The following ZNF385D variants were observed in gnomAD, a reference collection of about 807,000 sequenced individuals.
ZNF385D encodes the protein zinc finger protein 659.
ZNF385D carries 15 observed loss-of-function variants against 35.8 expected under a neutral mutation model. The observed-to-expected ratio is 0.42, with a 90% CI of 0.28 to 0.64. The LOEUF (loss-of-function observed/expected upper bound fraction) is 0.64, where lower values mean the gene tolerates loss of function less well. ZNF385D is among the 30% of genes least tolerant of loss of function. ZNF385D has a pLI of 0.23. For missense variants in ZNF385D, 474 were observed against 494.6 expected (o/e 0.96, Z 0.39); for synonymous variants, 212 against 186.8 (o/e 1.13, Z -1.10).
intron 3 of ZNF385D, among the ~76,000 whole-genome samples, chr3:21,543,570 C>G (rs163485): frequency 0.69 from 105,637 of 151,996 alleles, 36,939 homozygotes; most frequent in Admixed American, 0.72. Context: ...CCCTTCCCCA[C>G]CCAAGGGGTT....
intron 2 of ZNF385D, among the ~76,000 whole-genome samples, chr3:22,327,400 C>A (rs1257774798): frequency 6.6e-6 from 1 of 152,200 alleles, no homozygotes; most frequent in East Asian, 1.9e-4. Flanking sequence ...GTGTCCTACA[C>A]TCTAAGTTCC....
In ZNF385D at chr3:21,999,390, G is replaced by A. The variant is rs149252122; in HGVS notation, c.325+169427C>T. On this transcript the variant is annotated intron_variant, in intron 3 of 5. Coordinates refer to the ZNF385D transcript ENST00000494108. ...AACTTTGAATGCAATCTTAGTGTAT[G>A]GGATGACAATATTTAATATTGCTTG... Among the ~76,000 whole-genome samples the A allele has an allele frequency of 6.2e-3, 939 of 152,012 alleles. 10 individuals carry two copies. Among genetic ancestry groups the A allele is most frequent in the African/African-American group, 0.022 (898 of 41,442 alleles).
intron 3 of ZNF385D, among the ~76,000 whole-genome samples, chr3:22,056,642 T>C (rs1699417318): frequency 6.6e-6 from 1 of 152,176 alleles, no homozygotes; most frequent in African/African-American, 2.4e-5. Context: ...AGTTTGACAG[T>C]TTTAATTCAA....
intron 3 of ZNF385D, among the ~76,000 whole-genome samples, chr3:21,894,757 G>A (rs1024024100): frequency 3.3e-5 from 5 of 152,078 alleles, no homozygotes; most frequent in Non-Finnish European, 5.9e-5. Context: ...CAATATTGCT[G>A]AGTTTAAATC....
intron 3 of ZNF385D, among the ~76,000 whole-genome samples, chr3:21,989,148 C>T (rs991582096): frequency 4.6e-5 from 7 of 152,172 alleles, no homozygotes; most frequent in Non-Finnish European, 8.8e-5. Flanking sequence ...TAGACCGGAG[C>T]TGTTCCTATT....
chr3:22,319,826 T>A (rs553533497), intron 2 of ZNF385D, among the ~76,000 whole-genome samples: 12 of 152,204 alleles, frequency 7.9e-5, no homozygotes, highest in Non-Finnish European at 1.0e-4. Flanking sequence ...GGGGTTGACT[T>A]TGAATCTATT....
At chr3:21,899,071 A>T (rs171827) in intron 3 of ZNF385D, among the ~76,000 whole-genome samples, 1 of 151,832 alleles carries the variant, frequency 6.6e-6, no homozygotes, top group Non-Finnish European at 1.5e-5. Context: ...CGGGATGTTT[A>T]TTATTCCCCA....
In ZNF385D at chr3:21,413,652, GA is replaced by G. The variant is rs1416903606; in HGVS notation, c.*7561del. 1 of 152,012 alleles carries G rather than the reference GA, an allele frequency of 6.6e-6. No homozygotes were observed. The highest frequency in any genetic ancestry group is 6.6e-5 in the Admixed American group (1 of 15,244). 9.4% of individuals were successfully genotyped at this position (152,012 alleles called of 1,614,324 possible). ...TTTTTAAGCCATAAGAATATAAGAG[GA>G]GAAAAATAGCATGAATATTTTTCCT... On this transcript the variant is annotated 3_prime_UTR_variant, in exon 8 of 8. Coordinates refer to ENST00000281523, the MANE Select transcript of ZNF385D (RefSeq NM_024697.3).
rs556070073 is a variant in ZNF385D, at chr3:22,198,116, A to G, written c.107-29081T>C. Reference sequence around the variant, plus strand: ...ATAATCAGGATTAAAAATGGAGAACAGACACAGAAACTGTGTATACAGTAA... The same window carrying G: ...ATAATCAGGATTAAAAATGGAGAACGGACACAGAAACTGTGTATACAGTAA... On this transcript the variant is annotated intron_variant, in intron 2 of 5. Coordinates refer to the ZNF385D transcript ENST00000494108. Among the ~76,000 whole-genome samples, 6 of 152,248 alleles carry G rather than the reference A, an allele frequency of 3.9e-5. No homozygotes were observed. The East Asian group carries it at 1.2e-3, about 29-fold the overall frequency.
intron 3 of ZNF385D, among the ~76,000 whole-genome samples, chr3:22,079,549 A>T (rs1296232384): frequency 3.9e-4 from 59 of 151,984 alleles, no homozygotes; most frequent in Non-Finnish European, 1.0e-4. Context: ...ACAAAACAAA[A>T]AAGTTCCCTC....
chr3:21,858,241 A>G (rs997942353), intron 3 of ZNF385D, among the ~76,000 whole-genome samples: 1 of 152,174 alleles, frequency 6.6e-6, no homozygotes, highest in Non-Finnish European at 1.5e-5. Flanking sequence ...CAAAATCAAA[A>G]TAAAACTCAG....
chr3:22,047,927 G>A (rs1301642825), intron 3 of ZNF385D, among the ~76,000 whole-genome samples: 2 of 151,866 alleles, frequency 1.3e-5, no homozygotes, highest in Admixed American at 1.3e-4. Flanking sequence ...TGGTTTTTTT[G>A]CTAATATTAT....
intron 4 of ZNF385D, among the ~76,000 whole-genome samples, chr3:21,452,301 C>G (rs1702507023): frequency 6.6e-6 from 1 of 151,988 alleles, no homozygotes; most frequent in African/African-American, 2.4e-5. Context: ...ACAGTTCTCT[C>G]AATTTTGCCC....
intron 2 of ZNF385D, among the ~76,000 whole-genome samples, chr3:22,200,979 T>A (rs530217795): frequency 9.6e-4 from 146 of 152,172 alleles, no homozygotes; most frequent in Non-Finnish European, 2.0e-3. Flanking sequence ...CAAACACACA[T>A]GCTGTACAAT....
intron 4 of ZNF385D, among the ~76,000 whole-genome samples, chr3:21,471,809 A>T (rs1271108892): frequency 6.6e-6 from 1 of 152,120 alleles, no homozygotes; most frequent in African/African-American, 2.4e-5. Context: ...AATATCTTTG[A>T]GCATTAAAAT....
At chr3:22,063,103 A>C (rs962797527) in intron 3 of ZNF385D, among the ~76,000 whole-genome samples, 3 of 152,294 alleles carry the variant, frequency 2.0e-5, no homozygotes, top group Non-Finnish European at 2.9e-5. Flanking sequence ...ACAGAGATAT[A>C]AGGTACTTTT....
intron 2 of ZNF385D, among the ~76,000 whole-genome samples, chr3:21,630,941 G>T (rs1488424006): frequency 6.6e-6 from 1 of 152,108 alleles, no homozygotes; most frequent in Non-Finnish European, 1.5e-5. Context: ...TTAGTAGGAG[G>T]TGAAGATACG....
chr3:22,175,064 GGGAAGATATCAGTCTAGTCCATTTCACA>G (rs150283305), intron 2 of ZNF385D, among the ~76,000 whole-genome samples: 30,531 of 151,734 alleles, frequency 0.2, 3,171 homozygotes, highest in African/African-American at 0.23. Context: ...AGTACTGTAT[GGGAAGATATCAGTCTAGTCCATTTCACA>G]GAAGGGGAGT....
chr3:21,563,713 C>T (rs1470343494), intron 3 of ZNF385D, among the ~76,000 whole-genome samples: 3 of 152,126 alleles, frequency 2.0e-5, no homozygotes, highest in Admixed American at 1.3e-4. Flanking sequence ...AAAATGGTAC[C>T]TCGATAGGAT....
Sources: gnomAD v4.1 joint callset for allele counts (sites outside exome capture counted in the v4.1 genomes callset) on GRCh38, gnomAD v4.1.1 for gene constraint, MANE v1.5 for transcripts, NCBI Gene and HGNC (gene_info 2026-07-23, HGNC 2026-07-21) for gene names.